The following TXNRD1 variants were observed in gnomAD, a reference collection of about 807,000 sequenced individuals.
The protein encoded by TXNRD1 is thioredoxin reductase 1, cytoplasmic.
Under a neutral mutation model 80.3 loss-of-function variants are expected in TXNRD1, and 57 were observed. The observed-to-expected ratio is 0.71, with a 90% CI of 0.57 to 0.89. The LOEUF is 0.89. Ranked by LOEUF, TXNRD1 falls within the 40% of genes least tolerant of loss-of-function variation. TXNRD1 has a pLI of 0.00. For missense variants in TXNRD1, 730 were observed against 803.0 expected, an observed-to-expected ratio of 0.91 and a Z score of 1.10; for synonymous variants, 291 against 285.2, an observed-to-expected ratio of 1.02 and a Z score of -0.20.
intron 2 of TXNRD1, among the ~76,000 whole-genome samples, chr12:104,252,700 T>A (rs1339497452): frequency 1.1e-4 from 9 of 80,756 alleles, no homozygotes; most frequent in African/African-American, 3.4e-4. Flanking sequence ...ATTTTTTTTT[T>A]TTTTTTTTTT....
Position 104,305,706 on chromosome 12 carries a change from A to C in TXNRD1, c.415-5584A>C, listed in dbSNP as rs927963179. ...AATAACTTCATCTATTAATATCCTG[A>C]GAAGATGTTTTTGTCAAACTATTAT... is the stretch of plus-strand genomic sequence containing the variant. On this transcript the variant is annotated intron_variant, in intron 4 of 16. Transcript: ENST00000525566. Among the ~76,000 whole-genome samples, 4 of 152,192 alleles carry C rather than the reference A, an allele frequency of 2.6e-5. 1 individual carries two copies. The highest frequency in any genetic ancestry group is 2.6e-4 in the Admixed American group (4 of 15,272).
At chr12:104,263,560 C>T (rs760289030) in intron 3 of TXNRD1, among the ~76,000 whole-genome samples, 9 of 152,176 alleles carry the variant, frequency 5.9e-5, no homozygotes, top group Non-Finnish European at 1.3e-4. Flanking sequence ...TGTTGATTTA[C>T]AAAGACTTGT....
At chr12:104,241,043 T>C (rs1238922649) in intron 1 of TXNRD1, among the ~76,000 whole-genome samples, 1 of 148,030 alleles carries the variant, frequency 6.8e-6, no homozygotes, top group Non-Finnish European at 1.5e-5. Flanking sequence ...GCCCAGTTTT[T>C]TTTTTTCTTT....
intron 14 of TXNRD1, among the ~76,000 whole-genome samples, chr12:104,332,646 A>G (rs1345417953): frequency 6.6e-6 from 1 of 151,044 alleles, no homozygotes; most frequent in Non-Finnish European, 1.5e-5. Flanking sequence ...CTACTTGGGA[A>G]GCTGAGGCAG....
At chr12:104,218,989 A>G (rs73394503) in intron 1 of TXNRD1, among the ~76,000 whole-genome samples, 18,084 of 152,166 alleles carry the variant, frequency 0.12, 1,851 homozygotes, top group African/African-American at 0.28. Flanking sequence ...TGTTGCCTAG[A>G]TTAGAGTGCA....
In TXNRD1 at chr12:104,328,910, TAA is replaced by T. The variant is rs1276837647; in HGVS notation, c.1542+1241_1542+1242del. Among the ~76,000 whole-genome samples the T allele has an allele frequency of 5.3e-5, 8 of 152,244 alleles. No homozygotes were observed. In the South Asian group the frequency reaches 1.2e-3, roughly 24 times the overall value. On this transcript the variant is annotated intron_variant, in intron 13 of 16. Transcript: ENST00000525566. Reference sequence around the variant, plus strand: ...ATGGGACTAGATGGCCAGAAAAGAATAAAGACAGCTGTTTTTTAAAAAGGTTT... The same window carrying T: ...ATGGGACTAGATGGCCAGAAAAGAATAGACAGCTGTTTTTTAAAAAGGTTT...
At chr12:104,292,095 T>C (rs767323463) in intron 4 of TXNRD1, among the ~76,000 whole-genome samples, 4 of 152,192 alleles carry the variant, frequency 2.6e-5, no homozygotes, top group African/African-American at 4.8e-5. Flanking sequence ...TTAATATTGT[T>C]TCTTCCTCAT....
intron 1 of TXNRD1, among the ~76,000 whole-genome samples, chr12:104,248,603 A>T (rs1293107634): frequency 6.6e-6 from 1 of 152,150 alleles, no homozygotes; most frequent in Admixed American, 6.6e-5. Context: ...ACAAATATGC[A>T]TGCTTAGGCC....
intron 3 of TXNRD1, among the ~76,000 whole-genome samples, chr12:104,270,076 C>T (rs905968200): frequency 6.6e-6 from 1 of 152,172 alleles, no homozygotes; most frequent in African/African-American, 2.4e-5. Flanking sequence ...CCACTGAAGT[C>T]TTGAATTCAT....
rs368264904 is a variant in TXNRD1, at chr12:104,311,306, G to C, written c.431G>C (p.Arg144Thr). The change falls in exon 5 of 17, where the codon AGA becomes ACA. Residue 144 changes from arginine to threonine, a missense_variant. By Grantham distance (71) the Arg-to-Thr change is moderately conservative. Coordinates refer to ENST00000525566, the MANE Select transcript of TXNRD1 (RefSeq NM_001093771.3). The part of the protein sequence containing the change: ...GPTLKAYQEG[R>T]LQKLLKMNGP... The stretch of plus-strand genomic sequence containing the variant: ...TTTCTTTAGGCTTATCAGGAGGGCA[G>C]ACTTCAAAAGCTACTAAAAATGAAC... 1 of 1,603,174 alleles carries C rather than the reference G, an allele frequency of 6.2e-7. No individual in the cohort carries two copies. Among genetic ancestry groups the C allele is most frequent in the South Asian group, 1.1e-5 (1 of 89,468 alleles).
intron 4 of TXNRD1, 130 bp downstream of exon 4, chr12:104,289,170 A>G: frequency 9.0e-7 from 1 of 1,111,738 alleles, no homozygotes; most frequent in Non-Finnish European, 1.3e-6. Context: ...AAATGACGAA[A>G]AACGCTCGTG....
At chr12:104,267,685 C>CTTTG (rs1387021213) in intron 3 of TXNRD1, among the ~76,000 whole-genome samples, 1 of 39,068 alleles carries the variant, frequency 2.6e-5, no homozygotes, top group African/African-American at 7.3e-5. Context: ...TTCTTTCTTT[C>CTTTG]TTTCTTTCTT....
At chr12:104,304,587 A>G (rs750860139) in intron 4 of TXNRD1, 14 of 1,613,884 alleles carry the variant, frequency 8.7e-6, no homozygotes, top group African/African-American at 2.7e-5. Context: ...GAAGCGACAG[A>G]AAAAAACGTA....
intron 13 of TXNRD1, among the ~76,000 whole-genome samples, chr12:104,330,390 A>C (rs2035908437): frequency 6.6e-6 from 1 of 152,202 alleles, no homozygotes; most frequent in South Asian, 2.1e-4. Context: ...TATTTGCTTA[A>C]TCCAGTTCTT....
At chr12:104,281,453 C>T (rs1467405314) in intron 3 of TXNRD1, among the ~76,000 whole-genome samples, 2 of 125,230 alleles carry the variant, frequency 1.6e-5, no homozygotes, top group Admixed American at 1.0e-4. Flanking sequence ...GTCGCCCGGG[C>T]TGGAGTGCAG....
intron 1 of TXNRD1, among the ~76,000 whole-genome samples, chr12:104,247,294 G>A (rs961638820): frequency 4.0e-5 from 6 of 151,788 alleles, no homozygotes; most frequent in East Asian, 3.9e-4. Flanking sequence ...TCTCAAACTC[G>A]TGACCTCAGG....
rs151294530 is a variant in TXNRD1, at chr12:104,244,796, T to C, written c.92-6731T>C. 7.2e-5 allele frequency among the ~76,000 whole-genome samples: 11 copies of C among 152,312 alleles called. No homozygotes were observed. In the East Asian group the frequency reaches 2.1e-3, roughly 29 times the overall value. ...GATGTTACAATGAAATCATTGGTAATAATTGGATAAAAAGAAGGGATTGAA... is the reference window on the plus strand; with the variant it reads ...GATGTTACAATGAAATCATTGGTAACAATTGGATAAAAAGAAGGGATTGAA... On this transcript the variant is annotated intron_variant, in intron 1 of 16. Transcript: ENST00000525566.
At chr12:104,314,845 A>C (rs1191727681) in intron 6 of TXNRD1, among the ~76,000 whole-genome samples, 1 of 147,768 alleles carries the variant, frequency 6.8e-6, no homozygotes, top group Non-Finnish European at 1.5e-5. Flanking sequence ...GGGTACAAGC[A>C]GTTCTCCTGC....
chr12:104,316,749 C>T lies in TXNRD1; in HGVS notation c.730+853C>T, dbSNP rs34417179. ...AGTAGAAGAATAAAATGAGATCTGGCATAGCTTCCTGGCTAATTTATGACA... is the reference window on the plus strand; with the variant it reads ...AGTAGAAGAATAAAATGAGATCTGGTATAGCTTCCTGGCTAATTTATGACA... On this transcript the variant is annotated intron_variant, in intron 7 of 16. Transcript: ENST00000525566. Among the ~76,000 whole-genome samples the T allele has an allele frequency of 3.0e-3, 453 of 152,254 alleles. 4 individuals carry two copies. The highest frequency in any genetic ancestry group is 0.011 in the African/African-American group (447 of 41,540).
Sources: allele counts gnomAD v4.1 joint callset (sites outside exome capture counted in the v4.1 genomes callset), GRCh38; gene constraint gnomAD v4.1.1; transcripts MANE v1.5; gene names NCBI Gene and HGNC (gene_info 2026-07-23, HGNC 2026-07-21).